DLG2: variants seen among roughly 807,000 people sequenced by gnomAD.
The protein encoded by DLG2 is discs large MAGUK scaffold protein 2, also known as disks large homolog 2.
In DLG2, 45 loss-of-function variants were observed where a neutral mutation model predicts 132.5. The ratio of observed to expected loss-of-function variants is 0.34; its 90% CI spans 0.27 to 0.44. DLG2 has a LOEUF of 0.44. Ranked by LOEUF, DLG2 falls within the 20% of genes least tolerant of loss-of-function variation. The pLI, the probability that DLG2 is intolerant of heterozygous loss-of-function variation, is 1.00. For synonymous variants in DLG2, 424 were observed against 419.6 expected, an observed-to-expected ratio of 1.01 and a Z score of -0.13; for missense variants, 1,045 against 1,196.9, an observed-to-expected ratio of 0.87 and a Z score of 1.87.
chr11:85,323,810 C>A (rs1386418096), intron 3 of DLG2, among the ~76,000 whole-genome samples: 1 of 152,216 alleles, frequency 6.6e-6, no homozygotes, highest in Non-Finnish European at 1.5e-5. Context: ...CAGTTAGATC[C>A]ATGAACTGCA....
chr11:83,800,030 G>T (rs1351784409), intron 17 of DLG2, among the ~76,000 whole-genome samples: 1 of 152,014 alleles, frequency 6.6e-6, no homozygotes, highest in Non-Finnish European at 1.5e-5. Context: ...CATCTAGTAA[G>T]GGCATATAAT....
At chr11:84,689,151 T>C (rs1436627480) in intron 6 of DLG2, among the ~76,000 whole-genome samples, 1 of 152,176 alleles carries the variant, frequency 6.6e-6, no homozygotes, top group African/African-American at 2.4e-5. Flanking sequence ...AAATTGGCTA[T>C]ACAGTTTTAT....
chr11:84,045,642 C>T (rs994011450), intron 11 of DLG2, among the ~76,000 whole-genome samples: 16 of 151,768 alleles, frequency 1.1e-4, no homozygotes, highest in African/African-American at 3.9e-4. Flanking sequence ...TCTGTGCTTA[C>T]AAGCACACAA....
At chr11:84,995,764 T>C (rs2057590524) in intron 6 of DLG2, among the ~76,000 whole-genome samples, 1 of 152,098 alleles carries the variant, frequency 6.6e-6, no homozygotes, top group African/African-American at 2.4e-5. Context: ...TGGAATATTA[T>C]AAATTATTAT....
At chr11:85,008,284 T>C (rs142877814) in intron 6 of DLG2, among the ~76,000 whole-genome samples, 20 of 152,252 alleles carry the variant, frequency 1.3e-4, no homozygotes, top group African/African-American at 4.1e-4. Context: ...GTAATAAAAA[T>C]ATGATATAAT....
intron 15 of DLG2, among the ~76,000 whole-genome samples, chr11:83,904,819 T>C (rs1437576230): frequency 6.6e-6 from 1 of 152,172 alleles, no homozygotes; most frequent in Non-Finnish European, 1.5e-5. Context: ...CCTGGCCTTC[T>C]TTGTGTTGCA....
rs146944246 is a variant in DLG2, at chr11:85,538,941, A to T, written c.40+59716T>A. On this transcript the variant is annotated intron_variant, in intron 3 of 27. Transcript: ENST00000376104. ...TAGGTGCAGCAAAACACCATGGCAC[A>T]TATTTAAATATGTGACAAACCTGCA... Among the ~76,000 whole-genome samples, 67 of 151,966 alleles carry T rather than the reference A, an allele frequency of 4.4e-4. 1 individual carries two copies. Among genetic ancestry groups the T allele is most frequent in the African/African-American group, 1.6e-3 (65 of 41,252 alleles).
At chr11:84,293,463 C>T (rs965819633) in intron 7 of DLG2, among the ~76,000 whole-genome samples, 7 of 152,122 alleles carry the variant, frequency 4.6e-5, no homozygotes, top group African/African-American at 1.7e-4. Flanking sequence ...CACCTGAGCT[C>T]AGGAGTTCAA....
At chr11:83,862,554 T>C (rs2061619210) in intron 16 of DLG2, among the ~76,000 whole-genome samples, 1 of 152,126 alleles carries the variant, frequency 6.6e-6, no homozygotes, top group African/African-American at 2.4e-5. Flanking sequence ...AGGTTGATTA[T>C]GGTAAACAAT....
In DLG2 at chr11:84,574,512, C is replaced by G. The variant is rs149832819; in HGVS notation, c.358-39781G>C. ...GATCTTGATATCAATTAGAGTTTTA[C>G]ATTTTGTAGAAAATTAAAGAACCAA... On this transcript the variant is annotated intron_variant, in intron 6 of 27. Coordinates refer to ENST00000376104, the MANE Select transcript of DLG2 (RefSeq NM_001142699.3). 7.2e-5 allele frequency among the ~76,000 whole-genome samples: 11 copies of G among 152,252 alleles called. No individual in the cohort carries two copies. In the East Asian group the frequency reaches 1.9e-3, roughly 27 times the overall value.
At chr11:84,988,365 ATCTACCCAGAGGAAAAGAAGTCGT>A (rs1314380881) in intron 6 of DLG2, among the ~76,000 whole-genome samples, 1 of 152,240 alleles carries the variant, frequency 6.6e-6, no homozygotes, top group Non-Finnish European at 1.5e-5. Flanking sequence ...ACTACTGGCT[ATCTACCCAGAGGAAAAGAAGTCGT>A]TATATGAAAA....
At chr11:84,095,480 G>T (rs1270856864) in intron 10 of DLG2, among the ~76,000 whole-genome samples, 1 of 152,120 alleles carries the variant, frequency 6.6e-6, no homozygotes, top group Non-Finnish European at 1.5e-5. Flanking sequence ...TGTCCTTAAG[G>T]ACTAATGGTG....
At chr11:83,709,748 G>A (rs2084944827) in intron 18 of DLG2, among the ~76,000 whole-genome samples, 1 of 152,186 alleles carries the variant, frequency 6.6e-6, no homozygotes, top group African/African-American at 2.4e-5. Context: ...AGCAGAACTT[G>A]ATGTATCTGG....
At chr11:85,097,982 A>C (rs530880128) in intron 6 of DLG2, among the ~76,000 whole-genome samples, 8 of 152,358 alleles carry the variant, frequency 5.3e-5, no homozygotes, top group African/African-American at 1.9e-4. Context: ...ACATGAAAGG[A>C]AAGCCATTCT....
intron 4 of DLG2, among the ~76,000 whole-genome samples, chr11:85,191,620 T>G (rs952245577): frequency 2.6e-5 from 4 of 152,224 alleles, no homozygotes; most frequent in African/African-American, 4.8e-5. Context: ...CTTTGGAGTA[T>G]GACAGCAAAT....
chr11:85,020,022 A>G (rs1019473962), intron 6 of DLG2, among the ~76,000 whole-genome samples: 1 of 152,202 alleles, frequency 6.6e-6, no homozygotes, highest in Admixed American at 6.5e-5. Flanking sequence ...TTCTACTTCT[A>G]GATCCTTGGG....
intron 6 of DLG2, among the ~76,000 whole-genome samples, chr11:84,702,614 C>T (rs1208569798): frequency 6.6e-6 from 1 of 151,638 alleles, no homozygotes; most frequent in African/African-American, 2.4e-5. Context: ...TCACTCTTAA[C>T]ACCTTTAGGC....
intron 6 of DLG2, among the ~76,000 whole-genome samples, chr11:84,939,283 C>T (rs10792792): frequency 6.6e-6 from 1 of 151,772 alleles, no homozygotes; most frequent in South Asian, 2.1e-4. Context: ...TGGGTACTTA[C>T]TAGGTATATC....
chr11:84,877,477 G>A (rs994736772), intron 6 of DLG2, among the ~76,000 whole-genome samples: 1 of 133,192 alleles, frequency 7.5e-6, no homozygotes, highest in Admixed American at 7.5e-5. Context: ...TTGGTTTAAA[G>A]TCTGTTTTAT....
Sources: gnomAD v4.1 joint callset for allele counts (sites outside exome capture counted in the v4.1 genomes callset) on GRCh38, gnomAD v4.1.1 for gene constraint, MANE v1.5 for transcripts, NCBI Gene and HGNC (gene_info 2026-07-23, HGNC 2026-07-21) for gene names.